Variants in ARMC10 observed in about 807,000 individuals in gnomAD.
The protein encoded by ARMC10 is armadillo repeat containing 10, also known as armadillo repeat-containing protein 10.
Under a neutral mutation model 30.2 loss-of-function variants are expected in ARMC10, and 23 were observed. The ratio of observed to expected loss-of-function variants is 0.76; its 90% CI spans 0.55 to 1.08. The LOEUF (loss-of-function observed/expected upper bound fraction) is 1.08, where lower values mean the gene tolerates loss of function less well. Among genes scored for constraint, ARMC10 ranks in the 50% least tolerant of loss-of-function variants. The probability of loss-of-function intolerance (pLI) is 0.00; values close to 1 mark genes in which losing one functional copy is unlikely to be tolerated. For synonymous variants in ARMC10, 111 were observed against 164.4 expected, an observed-to-expected ratio of 0.68 and a Z score of 2.48; for missense variants, 303 against 413.7, an observed-to-expected ratio of 0.73 and a Z score of 2.32.
Position 103,075,179 on chromosome 7 carries a change from T to G in ARMC10, c.-94T>G, listed in dbSNP as rs562202783. 93 of 926,900 alleles carry G rather than the reference T, an allele frequency of 1.0e-4. 1 individual carries two copies. In the East Asian group the frequency reaches 4.1e-3, roughly 41 times the overall value. The allele number at this position is 926,900 out of a possible 1,614,324, so 57.4% of individuals were successfully genotyped here. A position where few individuals can be genotyped will look rare whatever the true frequency, so the allele number is the denominator to read the frequency against. ...CATCCAGGTCAGGTGGCGTTTGCTG[T>G]GGCGGCTAGGCCCGCGTGCGCTGGA... is the stretch of plus-strand genomic sequence containing the variant. On this transcript the variant is annotated 5_prime_UTR_variant, in exon 1 of 7. Transcript: ENST00000323716.
At chr7:103,079,599 T>C (rs957961505) in intron 2 of ARMC10, among the ~76,000 whole-genome samples, 2 of 152,370 alleles carry the variant, frequency 1.3e-5, no homozygotes, top group Middle Eastern at 3.4e-3. Context: ...GGCAGAATTA[T>C]AATCGTAGGT....
At position 103,099,531 on chromosome 7, in the gene ARMC10, T is replaced by G. The variant is rs1585802655; in HGVS notation, c.*978T>G. 8.7e-6 allele frequency: 1 copy of G among 114,518 alleles called. No individual in the cohort carries two copies. The highest frequency in any genetic ancestry group is 2.0e-5 in the Non-Finnish European group (1 of 50,460). The allele number at this position is 114,518 out of a possible 1,614,324, so 7.1% of individuals were successfully genotyped here. A position where few individuals can be genotyped will look rare whatever the true frequency, so the allele number is the denominator to read the frequency against. ...CTTAAGTGGAAAGATATCTATGAAA[T>G]ATGGTGGTTTTTTAAAACACAAAAA... On this transcript the variant is annotated 3_prime_UTR_variant, in exon 7 of 7. Coordinates refer to ENST00000323716, the MANE Select transcript of ARMC10 (RefSeq NM_031905.5).
intron 4 of ARMC10, chr7:103,087,673 C>A: frequency 3.0e-6 from 2 of 669,866 alleles, no homozygotes; most frequent in South Asian, 6.7e-5. Context: ...AAGAAAAAAA[C>A]AACAAATAAC....
intron 2 of ARMC10, 114 bp downstream of exon 2, chr7:103,075,995 G>A (rs1799756058): frequency 3.0e-6 from 2 of 663,992 alleles, no homozygotes; most frequent in Non-Finnish European, 2.3e-6. Flanking sequence ...ACCCTCCAAA[G>A]GCATGTTTCA....
chr7:103,098,605 T>G lies in ARMC10; in HGVS notation c.*52T>G, dbSNP rs1001887035. ...GCAGTCTGGATATAAACGTATTTTC[T>G]GTCTTCCTTATAAGGGGATTCTCCC... On this transcript the variant is annotated 3_prime_UTR_variant, in exon 7 of 7. Transcript: ENST00000323716. 15 of 1,498,704 alleles carry G rather than the reference T, an allele frequency of 1.0e-5. No individual in the cohort carries two copies. The African/African-American group carries it at 2.0e-4, about 20-fold the overall frequency. The allele number at this position is 1,498,704 out of a possible 1,614,324, so 92.8% of individuals were successfully genotyped here.
chr7:103,089,285 GT>G, intron 4 of ARMC10: 1 of 221,726 alleles, frequency 4.5e-6, no homozygotes, highest in Non-Finnish European at 1.0e-5. Context: ...TTAAAGTCCA[GT>G]TTTTCAGGCA....
chr7:103,085,606 C>CTTTTTTTTTTTTTTTTTTTTTTTTTTT (rs10581217), intron 3 of ARMC10, among the ~76,000 whole-genome samples: 1 of 130,586 alleles, frequency 7.7e-6, no homozygotes, highest in African/African-American at 2.8e-5. Flanking sequence ...CATTTCTCTT[C>CTTTTTTTTTTTTTTTTTTTTTTTTTTT]TTTTTTTTTT....
rs1173014655 is a variant in ARMC10, at chr7:103,097,337, C to T, written c.766C>T (p.Leu256Phe). The T allele has an allele frequency of 6.2e-7, 1 of 1,611,206 alleles. No individual in the cohort carries two copies. The highest frequency in any genetic ancestry group is 8.5e-7 in the Non-Finnish European group (1 of 1,177,622). The change falls in exon 6 of 7, where the codon CTC becomes TTC. Residue 256 changes from leucine to phenylalanine, a missense_variant. Physicochemically the swap from Leu to Phe is conservative, Grantham distance 22. This residue lies in a region of ARMC10 where 170 missense variants were observed against 207.2 expected (regional missense o/e 0.82). Coordinates refer to ENST00000323716, the MANE Select transcript of ARMC10 (RefSeq NM_031905.5). ...AAATCCAGCCATGACAGAAGGACTT[C>T]TCCGTGCCCAAGTAAATAGCTTATA... The part of the protein sequence containing the change: ...SENPAMTEGL[L>F]RAQVDSSFLS...
In ARMC10 at chr7:103,097,349, G is replaced by A; in HGVS notation, c.777+1G>A. On this transcript the variant is annotated splice_donor_variant, in intron 6 of 6. Transcript: ENST00000323716. LOFTEE classifies it high-confidence loss of function. ...GACAGAAGGACTTCTCCGTGCCCAA[G>A]TAAATAGCTTATATATTTATTTTGT... 2.5e-6 allele frequency: 4 copies of A among 1,597,838 alleles called. No homozygotes were observed. Among genetic ancestry groups the A allele is most frequent in the Non-Finnish European group, 3.4e-6 (4 of 1,165,850 alleles).
intron 4 of ARMC10, 140 bp from the exon 5 acceptor site, chr7:103,092,330 CAAAAAAA>C: frequency 8.6e-6 from 2 of 231,902 alleles, no homozygotes; most frequent in South Asian, 1.7e-4. Context: ...GACTCCGTCT[CAAAAAAA>C]AAAAAAAAAA....
chr7:103,097,277 G>T lies in ARMC10; in HGVS notation c.706G>T (p.Val236Leu). ...VLLTGNGNTK[V>L]QVLKLLLNLS... The stretch of plus-strand genomic sequence containing the variant: ...ATAAGCCAGTATCATCTTCTTTCAG[G>T]TGCAAGTTTTGAAACTGCTTTTGAA... The change falls in exon 6 of 7, where the codon GTG (valine) becomes TTG (leucine). Residue 236 changes from valine to leucine, a missense_variant and splice_region_variant. By Grantham distance (32) the Val-to-Leu change is conservative. Around this residue, in one of 4 missense-constraint regions of ARMC10, gnomAD observed 170 missense variants for 207.2 expected, o/e 0.82. Transcript: ENST00000323716. 1.2e-6 allele frequency: 2 copies of T among 1,613,392 alleles called. No homozygotes were observed. The highest frequency in any genetic ancestry group is 1.7e-6 in the Non-Finnish European group (2 of 1,179,448).
At chr7:103,095,303 A>G (rs999198360) in intron 5 of ARMC10, among the ~76,000 whole-genome samples, 3 of 152,066 alleles carry the variant, frequency 2.0e-5, no homozygotes, top group African/African-American at 7.2e-5. Flanking sequence ...CATGTTGCCC[A>G]TGTTGCTCTT....
At position 103,079,028 on chromosome 7, in the gene ARMC10, A is replaced by G. The variant is rs143802551; in HGVS notation, c.244+3147A>G. Among the ~76,000 whole-genome samples, 65 of 152,260 alleles carry G rather than the reference A, an allele frequency of 4.3e-4. No individual in the cohort carries two copies. The Middle Eastern group carries it at 0.01, about 24-fold the overall frequency. On this transcript the variant is annotated intron_variant, in intron 2 of 6. Coordinates refer to ENST00000323716, the MANE Select transcript of ARMC10 (RefSeq NM_031905.5). ...TGTCTTAAAAAATAAAAAATAAAAT[A>G]ATTTTTGTACTAACGTGGTTTGAGA...
chr7:103,076,877 G>C (rs1799909287), intron 2 of ARMC10, among the ~76,000 whole-genome samples: 1 of 152,150 alleles, frequency 6.6e-6, no homozygotes, highest in African/African-American at 2.4e-5. Context: ...TTGTATCAAA[G>C]AAGCAGAAAA....
intron 5 of ARMC10, chr7:103,096,077 GAAT>G (rs1383249010): frequency 1.3e-5 from 2 of 151,942 alleles, no homozygotes; most frequent in African/African-American, 2.4e-5. Flanking sequence ...TAAAACTTAA[GAAT>G]AATAATTAAT....
At chr7:103,076,182 TTAAATG>T (rs1397775613) in intron 2 of ARMC10, among the ~76,000 whole-genome samples, 2 of 152,166 alleles carry the variant, frequency 1.3e-5, no homozygotes, top group East Asian at 3.9e-4. Context: ...TCTAATTCCT[TTAAATG>T]TAGCTGGACA....
intron 4 of ARMC10, among the ~76,000 whole-genome samples, chr7:103,092,111 T>A (rs6955354): frequency 0.051 from 7,683 of 152,062 alleles, 257 homozygotes; most frequent in African/African-American, 0.087. Context: ...GGCGGGCGGA[T>A]CGCGAGGTCA....
rs921173124 is a variant in ARMC10, at chr7:103,075,147, T to A, written c.-126T>A. ...AGGCGGAGCTCAGACCCCATTTCCTTTCTCCACATCCAGGTCAGGTGGCGT... is the reference window on the plus strand; with the variant it reads ...AGGCGGAGCTCAGACCCCATTTCCTATCTCCACATCCAGGTCAGGTGGCGT... On this transcript the variant is annotated 5_prime_UTR_variant, in exon 1 of 7. Coordinates refer to ENST00000323716, the MANE Select transcript of ARMC10 (RefSeq NM_031905.5). 1 of 636,424 alleles carries A rather than the reference T, an allele frequency of 1.6e-6. No individual in the cohort carries two copies. The highest frequency in any genetic ancestry group is 2.1e-6 in the Non-Finnish European group (1 of 485,672). The allele number at this position is 636,424 out of a possible 1,614,324, so 39.4% of individuals were successfully genotyped here.
At chr7:103,091,862 A>G (rs1271664637) in intron 4 of ARMC10, among the ~76,000 whole-genome samples, 4 of 152,124 alleles carry the variant, frequency 2.6e-5, no homozygotes, top group Non-Finnish European at 5.9e-5. Context: ...AGGGGACCCG[A>G]GCTCTTTAAA....
Sources: gnomAD v4.1 joint callset for allele counts (sites outside exome capture counted in the v4.1 genomes callset) on GRCh38, gnomAD v4.1.1 for gene constraint, gnomAD v4.1.1 regional missense constraint, MANE v1.5 for transcripts, NCBI Gene and HGNC (gene_info 2026-07-23, HGNC 2026-07-21) for gene names.